Variants in ST8SIA1 observed in about 807,000 individuals in gnomAD.
ST8SIA1 encodes the protein ST8 alpha-N-acetyl-neuraminide alpha-2,8-sialyltransferase 1.
ST8SIA1 carries 16 observed loss-of-function variants against 35.9 expected under a neutral mutation model. The observed-to-expected ratio is 0.45, with a 90% CI of 0.30 to 0.68. The LOEUF is 0.68. Ranked by LOEUF, ST8SIA1 falls within the 30% of genes least tolerant of loss-of-function variation. ST8SIA1 has a pLI of 0.09. For synonymous variants in ST8SIA1, 170 were observed against 169.6 expected (o/e 1.00, Z -0.02); for missense variants, 383 against 453.6 (o/e 0.84, Z 1.41).
At chr12:22,328,833 A>C (rs1484846703) in intron 1 of ST8SIA1, among the ~76,000 whole-genome samples, 1 of 152,260 alleles carries the variant, frequency 6.6e-6, no homozygotes, top group Non-Finnish European at 1.5e-5. Flanking sequence ...CAACAGTCCT[A>C]TAAGAAGCCC....
intron 4 of ST8SIA1, among the ~76,000 whole-genome samples, chr12:22,208,906 G>T (rs1003881321): frequency 6.6e-6 from 1 of 151,996 alleles, no homozygotes; most frequent in Non-Finnish European, 1.5e-5. Context: ...ATTGTACTGG[G>T]TCTACTGGCT....
At chr12:22,225,671 T>A (rs1430635528) in intron 4 of ST8SIA1, among the ~76,000 whole-genome samples, 3 of 152,208 alleles carry the variant, frequency 2.0e-5, no homozygotes, top group Non-Finnish European at 2.9e-5. Context: ...TTAAGGCAAC[T>A]CTATAACTGT....
intron 4 of ST8SIA1, among the ~76,000 whole-genome samples, chr12:22,209,087 AT>A (rs1221325317): frequency 2.0e-5 from 3 of 152,196 alleles, no homozygotes; most frequent in African/African-American, 4.8e-5. Flanking sequence ...AGCAAAATCC[AT>A]AAAAAATTGT....
chr12:22,232,120 G>A (rs992700441), intron 4 of ST8SIA1, among the ~76,000 whole-genome samples: 1 of 152,144 alleles, frequency 6.6e-6, no homozygotes, highest in Non-Finnish European at 1.5e-5. Flanking sequence ...GAAACTAGCT[G>A]GCAAGGGGGA....
At chr12:22,222,240 T>A (rs1865308151) in intron 4 of ST8SIA1, among the ~76,000 whole-genome samples, 1 of 152,218 alleles carries the variant, frequency 6.6e-6, no homozygotes, top group Non-Finnish European at 1.5e-5. Flanking sequence ...GGTAGGGCAG[T>A]CAAATCATCC....
At chr12:22,328,671 A>C (rs1296294830) in intron 1 of ST8SIA1, among the ~76,000 whole-genome samples, 2 of 152,240 alleles carry the variant, frequency 1.3e-5, no homozygotes, top group Non-Finnish European at 2.9e-5. Context: ...CATGGTATAA[A>C]GAAAACAGAG....
intron 4 of ST8SIA1, among the ~76,000 whole-genome samples, chr12:22,238,233 G>A (rs1865497847): frequency 6.6e-6 from 1 of 152,174 alleles, no homozygotes; most frequent in Non-Finnish European, 1.5e-5. Flanking sequence ...CTTTGTGATT[G>A]CTTCAAGCAA....
At chr12:22,229,003 G>T (rs1428939353) in intron 4 of ST8SIA1, among the ~76,000 whole-genome samples, 1 of 145,852 alleles carries the variant, frequency 6.9e-6, no homozygotes, top group Non-Finnish European at 1.5e-5. Context: ...GCAGTAAGCT[G>T]AGATCGCACC....
chr12:22,207,348 G>T (rs145977144), intron 4 of ST8SIA1, among the ~76,000 whole-genome samples: 11 of 152,230 alleles, frequency 7.2e-5, no homozygotes, highest in Admixed American at 7.2e-4. Context: ...AAGTATAAGT[G>T]TATAGGGTAG....
At chr12:22,270,269 G>A (rs139745185) in intron 2 of ST8SIA1, among the ~76,000 whole-genome samples, 420 of 152,262 alleles carry the variant, frequency 2.8e-3, no homozygotes, top group Non-Finnish European at 4.6e-3. Flanking sequence ...AATAATATCA[G>A]CATCATATGT....
At chr12:22,317,284 ATTTG>A (rs1866533350) in intron 1 of ST8SIA1, among the ~76,000 whole-genome samples, 1 of 152,158 alleles carries the variant, frequency 6.6e-6, no homozygotes, top group Non-Finnish European at 1.5e-5. Context: ...TTATTACGTG[ATTTG>A]ATTTTTTATT....
At chr12:22,210,550 G>A (rs147704470) in intron 4 of ST8SIA1, among the ~76,000 whole-genome samples, 98 of 152,230 alleles carry the variant, frequency 6.4e-4, no homozygotes, top group African/African-American at 1.8e-3. Flanking sequence ...TAGAGATAGC[G>A]TCAGACCCCA....
chr12:22,333,714 A>T, intron 1 of ST8SIA1: 1 of 586,594 alleles, frequency 1.7e-6, no homozygotes, highest in Non-Finnish European at 3.1e-6. Flanking sequence ...TGTTTTGTTT[A>T]TCCGTAAATT....
intron 1 of ST8SIA1, among the ~76,000 whole-genome samples, chr12:22,328,742 C>T (rs538656530): frequency 5.9e-5 from 9 of 152,220 alleles, no homozygotes; most frequent in Admixed American, 3.9e-4. Flanking sequence ...CACCTTGAGG[C>T]GAACTAACAA....
chr12:22,326,085 C>A, intron 1 of ST8SIA1: 1 of 475,634 alleles, frequency 2.1e-6, no homozygotes, highest in South Asian at 4.1e-5. Context: ...TAACCATAGA[C>A]AACTGAAGCC....
chr12:22,270,385 T>C (rs1000436843), intron 2 of ST8SIA1, among the ~76,000 whole-genome samples: 1 of 152,216 alleles, frequency 6.6e-6, no homozygotes, highest in African/African-American at 2.4e-5. Context: ...TTGAATCAAA[T>C]TGAGAAAATA....
Position 22,294,252 on chromosome 12 carries a change from G to GC in ST8SIA1, c.237-6960dup, listed in dbSNP as rs1198764173. Among the ~76,000 whole-genome samples, 4 of 152,072 alleles carry GC rather than the reference G, an allele frequency of 2.6e-5. No homozygotes were observed. The East Asian group carries it at 7.8e-4, about 30-fold the overall frequency. ...TCTTGCTCATGGAGGGGGAATGGAG[G>GC]CAAGTGGTGATAATACTGCCTCTGG... is the stretch of plus-strand genomic sequence containing the variant. On this transcript the variant is annotated intron_variant, in intron 1 of 4. Coordinates refer to ENST00000396037, the MANE Select transcript of ST8SIA1 (RefSeq NM_003034.4).
intron 4 of ST8SIA1, among the ~76,000 whole-genome samples, chr12:22,219,927 C>A (rs1470346247): frequency 6.6e-6 from 1 of 152,098 alleles, no homozygotes; most frequent in Non-Finnish European, 1.5e-5. Flanking sequence ...TCACATGAAC[C>A]TTTTTAATCC....
chr12:22,306,368 T>A (rs1340803319), intron 1 of ST8SIA1, among the ~76,000 whole-genome samples: 1 of 152,152 alleles, frequency 6.6e-6, no homozygotes, highest in Non-Finnish European at 1.5e-5. Context: ...TTCTTTTTTT[T>A]AGTATGCCCT....
Sources: gnomAD v4.1 joint callset for allele counts (sites outside exome capture counted in the v4.1 genomes callset) on GRCh38, gnomAD v4.1.1 for gene constraint, MANE v1.5 for transcripts, NCBI Gene and HGNC (gene_info 2026-07-23, HGNC 2026-07-21) for gene names.